Variants in LINGO2 observed in about 807,000 individuals in gnomAD.
LINGO2 encodes the protein leucine-rich repeat and immunoglobulin-like domain-containing nogo receptor-interacting protein 2.
LINGO2 carries 14 observed loss-of-function variants against 30.6 expected under a neutral mutation model. The ratio of observed to expected loss-of-function variants is 0.46; its 90% CI spans 0.30 to 0.72. LINGO2 has a LOEUF of 0.72. Ranked by LOEUF, LINGO2 falls within the 30% of genes least tolerant of loss-of-function variation. LINGO2 has a pLI of 0.07. For synonymous variants in LINGO2, 317 were observed against 288.5 expected (o/e 1.10, Z -1.00); for missense variants, 729 against 751.7 (o/e 0.97, Z 0.35).
chr9:29,107,848 C>T, the LINGO2 span, among the ~76,000 whole-genome samples: 1 of 150,692 alleles, frequency 6.6e-6, no homozygotes, highest in Admixed American at 6.6e-5. Context: ...GGCAAATAAC[C>T]TTTATCTCTA....
intron 3 of LINGO2, among the ~76,000 whole-genome samples, chr9:28,308,122 A>G (rs1199315285): frequency 2.2e-5 from 3 of 136,096 alleles, no homozygotes; most frequent in Non-Finnish European, 5.1e-5. Context: ...CTCATCGCCA[A>G]GTCAATCCTA....
chr9:28,078,644 A>AGTT, intron 4 of LINGO2, among the ~76,000 whole-genome samples: 1 of 148,274 alleles, frequency 6.7e-6, no homozygotes, highest in Non-Finnish European at 1.5e-5. Flanking sequence ...TGAGGTCAGG[A>AGTT]GTTTGAGACC....
At chr9:29,013,242 C>A in the LINGO2 span, among the ~76,000 whole-genome samples, 1 of 152,126 alleles carries the variant, frequency 6.6e-6, no homozygotes, top group African/African-American at 2.4e-5. Context: ...TTTTTCAGAC[C>A]TCTTGGGAAG....
chr9:28,919,170 A>G, the LINGO2 span, among the ~76,000 whole-genome samples: 2 of 152,174 alleles, frequency 1.3e-5, no homozygotes, highest in Admixed American at 6.5e-5. Context: ...CCAGATGTAC[A>G]AGTGCACTGG....
intron 2 of LINGO2, among the ~76,000 whole-genome samples, chr9:28,473,338 T>A (rs1387755583): frequency 6.6e-6 from 1 of 151,982 alleles, no homozygotes; most frequent in East Asian, 1.9e-4. Context: ...GGTAGATGGA[T>A]CATCGTCTTT....
In LINGO2 at chr9:28,606,984, T is replaced by A. The variant is rs549781039; in HGVS notation, c.-365+63216A>T. ...ATTAGGAGCCCCTTATTTGTTCCAG[T>A]GAATAATTAGAATACATTTACAGCA... On this transcript the variant is annotated intron_variant, in intron 1 of 5. Coordinates refer to ENST00000379992, the Ensembl canonical transcript of LINGO2. Among the ~76,000 whole-genome samples, 6 of 152,176 alleles carry A rather than the reference T, an allele frequency of 3.9e-5. No individual in the cohort carries two copies. In the South Asian group the frequency reaches 1.2e-3, roughly 32 times the overall value.
chr9:29,176,767 T>G, the LINGO2 span, among the ~76,000 whole-genome samples: 1 of 152,226 alleles, frequency 6.6e-6, no homozygotes, highest in African/African-American at 2.4e-5. Flanking sequence ...TAGAAAAATA[T>G]ACATGAAATT....
At chr9:28,052,502 G>A (rs1297901181) in intron 4 of LINGO2, among the ~76,000 whole-genome samples, 1 of 152,022 alleles carries the variant, frequency 6.6e-6, no homozygotes, top group African/African-American at 2.4e-5. Flanking sequence ...AGGTATACCA[G>A]GCCATTTGCT....
intron 4 of LINGO2, among the ~76,000 whole-genome samples, chr9:28,098,966 A>G (rs1163252702): frequency 6.6e-6 from 1 of 152,114 alleles, no homozygotes; most frequent in East Asian, 1.9e-4. Context: ...TTTGAAATGT[A>G]TTTCATGCTA....
chr9:28,855,031 G>GA, the LINGO2 span, among the ~76,000 whole-genome samples: 39 of 152,112 alleles, frequency 2.6e-4, no homozygotes, highest in African/African-American at 9.4e-4. Context: ...ATGAAGTTGT[G>GA]AATGATATAA....
chr9:28,339,747 T>A (rs1825706287), intron 3 of LINGO2, among the ~76,000 whole-genome samples: 1 of 152,208 alleles, frequency 6.6e-6, no homozygotes. Flanking sequence ...TGAATATTAT[T>A]TACTGTTTCC....
intron 2 of LINGO2, among the ~76,000 whole-genome samples, chr9:28,430,109 C>CGCATGTGT (rs569701444): frequency 8.1e-5 from 11 of 136,204 alleles, no homozygotes; most frequent in African/African-American, 2.9e-4. Context: ...CGCGCGCGCG[C>CGCATGTGT]GTGTGTGTGT....
At chr9:28,948,227 G>A in the LINGO2 span, among the ~76,000 whole-genome samples, 1 of 152,070 alleles carries the variant, frequency 6.6e-6, no homozygotes, top group Non-Finnish European at 1.5e-5. Context: ...TCAAGTTACA[G>A]TGTGTTAGAG....
chr9:28,770,237 G>C, the LINGO2 span, among the ~76,000 whole-genome samples: 40 of 152,258 alleles, frequency 2.6e-4, no homozygotes, highest in South Asian at 5.6e-3. Flanking sequence ...ACTTGTATCA[G>C]TTTGTGATTG....
intron 1 of LINGO2, among the ~76,000 whole-genome samples, chr9:28,536,238 T>A (rs1242545526): frequency 6.6e-6 from 1 of 152,106 alleles, no homozygotes; most frequent in East Asian, 1.9e-4. Flanking sequence ...AAATTTTACA[T>A]AATTCTTACT....
chr9:28,044,483 T>G (rs1198008), intron 4 of LINGO2, among the ~76,000 whole-genome samples: 1 of 152,074 alleles, frequency 6.6e-6, no homozygotes, highest in Non-Finnish European at 1.5e-5. Context: ...ATAGACAACC[T>G]GAAAGCCAGG....
chr9:28,837,776 G>C, the LINGO2 span, among the ~76,000 whole-genome samples: 1 of 148,180 alleles, frequency 6.7e-6, no homozygotes, highest in African/African-American at 2.5e-5. Flanking sequence ...GACTCCTGTG[G>C]TCCTGCAGAA....
chr9:28,602,219 T>C (rs1427110785), intron 1 of LINGO2, among the ~76,000 whole-genome samples: 1 of 152,092 alleles, frequency 6.6e-6, no homozygotes, highest in Non-Finnish European at 1.5e-5. Flanking sequence ...CTGTTTTGTG[T>C]TCCTTTATTA....
At chr9:29,126,785 A>T in the LINGO2 span, among the ~76,000 whole-genome samples, 12 of 152,098 alleles carry the variant, frequency 7.9e-5, no homozygotes, top group African/African-American at 2.9e-4. Context: ...GAGGCAGGAG[A>T]ATAGGATCTG....
Sources: allele counts gnomAD v4.1 joint callset (sites outside exome capture counted in the v4.1 genomes callset), GRCh38; gene constraint gnomAD v4.1.1; transcripts MANE v1.5; gene names NCBI Gene and HGNC (gene_info 2026-07-23, HGNC 2026-07-21).